HAL: variants seen among roughly 807,000 people sequenced by gnomAD.
HAL encodes histidine ammonia-lyase.
HAL carries 85 observed loss-of-function variants against 81.1 expected under a neutral mutation model. The ratio of observed to expected loss-of-function variants is 1.05; its 90% CI spans 0.88 to 1.25. HAL has a LOEUF of 1.25. HAL is among the 50% of genes most tolerant of loss of function. HAL has a pLI of 0.00. For synonymous variants in HAL, 301 were observed against 309.2 expected (o/e 0.97, Z 0.28); for missense variants, 798 against 836.6 (o/e 0.95, Z 0.57).
Position 95,996,102 on chromosome 12 carries a change from C to A in HAL, c.-106G>T. On this transcript the variant is annotated 5_prime_UTR_variant, in exon 1 of 21. Coordinates refer to ENST00000261208, the MANE Select transcript of HAL (RefSeq NM_002108.4). ...CCTGCTGTCCCTTTGGTTTTTGTAGCCGAGCAGGGGCAGGAGCAGGGGATG... is the reference window on the plus strand; with the variant it reads ...CCTGCTGTCCCTTTGGTTTTTGTAGACGAGCAGGGGCAGGAGCAGGGGATG... 1 of 630,390 alleles carries A rather than the reference C, an allele frequency of 1.6e-6. No homozygotes were observed. Among genetic ancestry groups the A allele is most frequent in the Admixed American group, 2.3e-5 (1 of 43,126 alleles). 39.0% of individuals were successfully genotyped at this position (630,390 alleles called of 1,614,324 possible).
chr12:95,983,188 G>T (rs537974642), intron 15 of HAL, among the ~76,000 whole-genome samples: 14 of 152,170 alleles, frequency 9.2e-5, no homozygotes, highest in Non-Finnish European at 1.6e-4. Context: ...AGGAGTTTGA[G>T]ACCAGCCTGG....
intron 5 of HAL, 26 bp from the exon 6 acceptor site, chr12:95,994,024 G>A (rs781117242): frequency 2.5e-6 from 4 of 1,600,274 alleles, no homozygotes; most frequent in Admixed American, 3.3e-5. Context: ...TCAGAACTGA[G>A]CACGTTAAAG....
At chr12:95,992,869 C>A (rs781311018) in intron 8 of HAL, 64 bp from the exon 9 acceptor site, 205 of 1,280,908 alleles carry the variant, frequency 1.6e-4, no homozygotes, top group Non-Finnish European at 2.0e-4. Flanking sequence ...CTGACAATTG[C>A]CCTCCCTCCC....
chr12:95,994,913 G>T lies in HAL; in HGVS notation c.308+20C>A. ...GGAGCCACCCCCAGAGCAGACCAAA[G>T]AGCCTGTGGGAAAGGATACAGATAA... On this transcript the variant is annotated intron_variant, in intron 3 of 20. Coordinates refer to ENST00000261208, the MANE Select transcript of HAL (RefSeq NM_002108.4). 6.2e-7 allele frequency: 1 copy of T among 1,609,702 alleles called. No individual in the cohort carries two copies. The highest frequency in any genetic ancestry group is 1.7e-5 in the Admixed American group (1 of 59,998).
intron 12 of HAL, among the ~76,000 whole-genome samples, chr12:95,986,802 G>A (rs575423678): frequency 6.6e-6 from 1 of 152,184 alleles, no homozygotes; most frequent in East Asian, 1.9e-4. Flanking sequence ...AGACAGCACA[G>A]AGCTTGACAC....
intron 9 of HAL, 149 bp downstream of exon 9, chr12:95,992,531 C>G (rs1167982940): frequency 1.5e-6 from 1 of 659,510 alleles, no homozygotes. Flanking sequence ...CCCCATCTAA[C>G]TATCCTACTT....
At chr12:95,983,417 C>T (rs1949834781) in intron 15 of HAL, among the ~76,000 whole-genome samples, 1 of 152,004 alleles carries the variant, frequency 6.6e-6, no homozygotes, top group Non-Finnish European at 1.5e-5. Context: ...ATGCCAAAAA[C>T]CTCAGGATGA....
intron 17 of HAL, 141 bp downstream of exon 17, chr12:95,980,415 T>C: frequency 1.3e-6 from 1 of 786,320 alleles, no homozygotes; most frequent in East Asian, 2.6e-5. Context: ...CCTGTTACCT[T>C]TGCACTGAGA....
Position 95,987,207 on chromosome 12 carries a change from G to T in HAL, c.911C>A (p.Ala304Glu). 3.7e-6 allele frequency: 6 copies of T among 1,613,652 alleles called. No individual in the cohort carries two copies. The highest frequency in any genetic ancestry group is 5.1e-6 in the Non-Finnish European group (6 of 1,179,534). ...PVILKPKEGL[A>E]LINGTQMITS... ...GATCATCTGCGTCCCATTGATGAGT[G>T]CCAGGCCCTGTCGGGGGAGAGAGCA... Residue 304 changes from alanine to glutamate, a missense_variant, in exon 12 of 21, where the codon GCA (alanine) becomes GAA (glutamate). By Grantham distance (107) the Ala-to-Glu change is moderately radical. Coordinates refer to ENST00000261208, the MANE Select transcript of HAL (RefSeq NM_002108.4).
intron 9 of HAL, 60 bp downstream of exon 9, chr12:95,992,620 C>A: frequency 1.4e-6 from 2 of 1,473,116 alleles, no homozygotes; most frequent in Non-Finnish European, 1.9e-6. Flanking sequence ...CCAATCAATT[C>A]TACCCTGTGG....
rs756130255 is a variant in HAL at position 95,983,969 on chromosome 12, G to A, written c.1229C>T (p.Thr410Ile). 6 of 1,577,522 alleles carry A rather than the reference G, an allele frequency of 3.8e-6. No homozygotes were observed. The highest frequency in any genetic ancestry group is 5.2e-6 in the Non-Finnish European group (6 of 1,147,624). ...CPQVHGVVND[T>I]IAFVKNIITT... is the part of the protein sequence containing the mutation. ...AATGATGTTCTTCACAAATGCTATT[G>A]TATCATTCACCACACCATGGACCTA... is the stretch of plus-strand genomic sequence containing the variant. The change falls in exon 15 of 21, where the codon ACA (threonine) becomes ATA (isoleucine). Residue 410 changes from threonine (T) to isoleucine (I), a missense_variant. Coordinates refer to ENST00000261208, the MANE Select transcript of HAL (RefSeq NM_002108.4).
chr12:95,992,495 C>T (rs17024962), intron 9 of HAL, among the ~76,000 whole-genome samples, 185 bp downstream of exon 9: 18,659 of 152,190 alleles, frequency 0.12, 1,380 homozygotes, highest in East Asian at 0.33. Context: ...TAGGAGTAAG[C>T]ATCTCTGATC....
In HAL at chr12:95,990,396, T is replaced by G; in HGVS notation, c.852A>C (p.Lys284Asn). The G allele has an allele frequency of 6.2e-7, 1 of 1,613,120 alleles. No homozygotes were observed. The highest frequency in any genetic ancestry group is 2.2e-5 in the East Asian group (1 of 44,864). The part of the protein sequence containing the change: ...WSPKSGWADA[K>N]YVLEAHGLKP... The stretch of plus-strand genomic sequence containing the variant: ...TAGAAGCTGCTACGAGTCTTACGTA[T>G]TTAGCATCAGCCCAGCCACTCTTCG... The change falls in exon 10 of 21, where the codon AAA becomes AAC. Residue 284 changes from lysine (K) to asparagine (N), a missense_variant. Coordinates refer to ENST00000261208, the MANE Select transcript of HAL (RefSeq NM_002108.4).
At position 95,990,406 on chromosome 12, in the gene HAL, G is replaced by T; in HGVS notation, c.842C>A (p.Ala281Asp). Residue 281 changes from alanine to aspartate, a missense_variant, in exon 10 of 21, where the codon GCT (alanine) becomes GAT (aspartate). By Grantham distance (126) the Ala-to-Asp change is moderately radical. Transcript: ENST00000261208. ...TACGAGTCTTACGTATTTAGCATCA[G>T]CCCAGCCACTCTTCGGAGACCACAT... ...GKMWSPKSGW[A>D]DAKYVLEAHG... 1 of 1,613,044 alleles carries T rather than the reference G, an allele frequency of 6.2e-7. No homozygotes were observed. The highest frequency in any genetic ancestry group is 8.5e-7 in the Non-Finnish European group (1 of 1,179,296).
intron 14 of HAL, among the ~76,000 whole-genome samples, chr12:95,985,105 G>T (rs1949865306): frequency 6.6e-6 from 1 of 151,964 alleles, no homozygotes; most frequent in South Asian, 2.1e-4. Flanking sequence ...AATTTATATT[G>T]CCCATAAAAT....
chr12:95,981,817 G>T (rs957256313), intron 15 of HAL, among the ~76,000 whole-genome samples: 2 of 152,164 alleles, frequency 1.3e-5, no homozygotes, highest in Non-Finnish European at 1.5e-5. Context: ...CCAGGAAAAG[G>T]CAGTAACAGA....
intron 15 of HAL, among the ~76,000 whole-genome samples, chr12:95,981,920 G>C (rs2080799769): frequency 6.6e-6 from 1 of 152,202 alleles, no homozygotes; most frequent in Non-Finnish European, 1.5e-5. Context: ...GTGCAAGAAA[G>C]TTTCTAACTT....
At chr12:95,992,569 C>A in intron 9 of HAL, 111 bp downstream of exon 9, 1 of 1,002,190 alleles carries the variant, frequency 1.0e-6, no homozygotes, top group Non-Finnish European at 1.5e-6. Flanking sequence ...CCACTCATTT[C>A]AATTATTTCA....
In HAL at chr12:95,995,750, A is replaced by G; in HGVS notation, c.161T>C (p.Leu54Pro). 3 of 1,613,668 alleles carry G rather than the reference A, an allele frequency of 1.9e-6. No homozygotes were observed. Among genetic ancestry groups the G allele is most frequent in the Non-Finnish European group, 2.5e-6 (3 of 1,179,882 alleles). ...GFTSVDDAHF[L>P]VRRCKGLGLL... ...GCCCAGGCCCTTGCACCGGCGCACA[A>G]GGAAGTGCGCGTCATCCACGGAGGT... Residue 54 changes from leucine to proline, a missense_variant, in exon 2 of 21, where the codon CTT becomes CCT. Leu to Pro is a moderately conservative substitution (Grantham distance 98, BLOSUM62 -3). Coordinates refer to ENST00000261208, the MANE Select transcript of HAL (RefSeq NM_002108.4).
Sources: gnomAD v4.1 joint callset for allele counts (sites outside exome capture counted in the v4.1 genomes callset) on GRCh38, gnomAD v4.1.1 for gene constraint, MANE v1.5 for transcripts, NCBI Gene and HGNC (gene_info 2026-07-23, HGNC 2026-07-21) for gene names.